The following INPP4A variants were observed in gnomAD, a reference collection of about 807,000 sequenced individuals.
The protein encoded by INPP4A is inositol polyphosphate-4-phosphatase, type I, 107kD.
INPP4A carries 33 observed loss-of-function variants against 119.8 expected under a neutral mutation model. That is an observed-to-expected ratio of 0.28 (90% confidence interval 0.21 to 0.37). INPP4A has a LOEUF of 0.37. Ranked by LOEUF, INPP4A falls within the 10% of genes least tolerant of loss-of-function variation. The probability of loss-of-function intolerance (pLI) is 1.00; values close to 1 mark genes in which losing one functional copy is unlikely to be tolerated. For missense variants in INPP4A, 956 were observed against 1,289.9 expected (o/e 0.74, Z 3.97); for synonymous variants, 496 against 500.7 (o/e 0.99, Z 0.12).
chr2:98,538,821 G>A (rs1209189705), intron 8 of INPP4A, 70 bp from the exon 9 acceptor site: 10 of 875,436 alleles, frequency 1.1e-5, no homozygotes, highest in East Asian at 2.5e-5. Flanking sequence ...TTAGGCCACT[G>A]TTTCTGCTGA....
chr2:98,519,442 C>G (rs1335238915), intron 2 of INPP4A: 1 of 152,448 alleles, frequency 6.6e-6, no homozygotes, highest in Non-Finnish European at 1.5e-5. Flanking sequence ...CCCAGACACA[C>G]GTGAAGTTTA....
chr2:98,480,538 C>T (rs1476799279), intron 1 of INPP4A, among the ~76,000 whole-genome samples: 1 of 152,168 alleles, frequency 6.6e-6, no homozygotes, highest in Non-Finnish European at 1.5e-5. Flanking sequence ...CTGTGGTTCC[C>T]CTGCACTGAC....
chr2:98,530,019 T>G (rs1307266024), intron 4 of INPP4A, among the ~76,000 whole-genome samples: 1 of 151,708 alleles, frequency 6.6e-6, no homozygotes, highest in Non-Finnish European at 1.5e-5. Flanking sequence ...GAAAGAGGAG[T>G]AGCAGCAAGC....
At chr2:98,552,139 A>G (rs1382434931) in intron 13 of INPP4A, among the ~76,000 whole-genome samples, 1 of 152,134 alleles carries the variant, frequency 6.6e-6, no homozygotes, top group Non-Finnish European at 1.5e-5. Context: ...GTGGCTTGGC[A>G]TGTTCTCCAC....
intron 1 of INPP4A, among the ~76,000 whole-genome samples, chr2:98,466,335 C>T (rs1269779841): frequency 6.6e-6 from 1 of 152,260 alleles, no homozygotes; most frequent in African/African-American, 2.4e-5. Flanking sequence ...CGTGAGCCAC[C>T]GTGCCCGGCC....
rs376614970 is a variant in INPP4A at position 98,583,018 on chromosome 2, CAG to C, written c.2787-4456_2787-4455del. ...GATCACCTACTGCATACGCCAGACA[CAG>C]AAAGATCACCTACTGCATATGCCAG... On this transcript the variant is annotated intron_variant, in intron 24 of 24. Coordinates refer to ENST00000409851, the MANE Select transcript of INPP4A (RefSeq NM_001134225.2). 4.2e-3 allele frequency among the ~76,000 whole-genome samples: 640 copies of C among 152,026 alleles called. 9 individuals are homozygous for C. Among genetic ancestry groups the C allele is most frequent in the African/African-American group, 0.015 (620 of 41,456 alleles).
chr2:98,477,260 A>G (rs1400810506), intron 1 of INPP4A, among the ~76,000 whole-genome samples: 1 of 152,232 alleles, frequency 6.6e-6, no homozygotes, highest in Non-Finnish European at 1.5e-5. Flanking sequence ...GGCCATGCAC[A>G]GCATGCTGTG....
intron 1 of INPP4A, among the ~76,000 whole-genome samples, chr2:98,518,457 G>GC (rs1686561211): frequency 6.6e-6 from 1 of 152,376 alleles, no homozygotes; most frequent in Admixed American, 6.5e-5. Context: ...CTGCCAAACA[G>GC]CCCCTGTGGT....
At chr2:98,499,729 CAG>C (rs753042854) in intron 1 of INPP4A, among the ~76,000 whole-genome samples, 1 of 152,208 alleles carries the variant, frequency 6.6e-6, no homozygotes, top group African/African-American at 2.4e-5. Context: ...GTGGAAAGTA[CAG>C]AGAGTTCCTA....
At position 98,570,935 on chromosome 2, in the gene INPP4A, G is replaced by A. The variant is rs116172224; in HGVS notation, c.2519-1880G>A. On this transcript the variant is annotated intron_variant, in intron 22 of 24. Coordinates refer to ENST00000409851, the MANE Select transcript of INPP4A (RefSeq NM_001134225.2). The surrounding 1 kb of genome is among the most constrained non-coding windows in gnomAD (Gnocchi z 4.3). Reference sequence around the variant, plus strand: ...AGCCTGGAAAAATACAGATGCCTGGGCCCCACCCCAGAGTGTGGTGGGCAG... The same window carrying A: ...AGCCTGGAAAAATACAGATGCCTGGACCCCACCCCAGAGTGTGGTGGGCAG... Among the ~76,000 whole-genome samples the A allele has an allele frequency of 3.8e-3, 572 of 152,178 alleles. 3 individuals carry two copies. Among genetic ancestry groups the A allele is most frequent in the African/African-American group, 0.013 (536 of 41,522 alleles).
chr2:98,495,861 T>G (rs992924240), intron 1 of INPP4A, among the ~76,000 whole-genome samples: 3 of 152,148 alleles, frequency 2.0e-5, no homozygotes, highest in African/African-American at 7.2e-5. Context: ...GAAAAAGACC[T>G]GGAAAGGGAA....
intron 16 of INPP4A, among the ~76,000 whole-genome samples, chr2:98,559,091 G>A (rs923899958): frequency 7.2e-5 from 11 of 152,226 alleles, no homozygotes; most frequent in East Asian, 1.9e-4. Flanking sequence ...TCCAGATGCC[G>A]CAAGCCAACG....
chr2:98,562,914 G>A (rs1027781916), intron 17 of INPP4A, among the ~76,000 whole-genome samples: 25 of 152,256 alleles, frequency 1.6e-4, no homozygotes, highest in Admixed American at 1.6e-3. Context: ...GAAAACTTGG[G>A]AGCTGTGGGG....
At chr2:98,446,844 T>G (rs1455412509) in intron 1 of INPP4A, among the ~76,000 whole-genome samples, 2 of 152,150 alleles carry the variant, frequency 1.3e-5, no homozygotes, top group South Asian at 2.1e-4. Context: ...AAACTGAATA[T>G]TAGCGTTTTT....
chr2:98,502,932 C>G (rs1683395797), intron 1 of INPP4A, among the ~76,000 whole-genome samples: 1 of 152,160 alleles, frequency 6.6e-6, no homozygotes, highest in Admixed American at 6.5e-5. Flanking sequence ...TTTATATTTG[C>G]AGAATCAGTG....
chr2:98,550,011 G>T (rs987488423), intron 13 of INPP4A, among the ~76,000 whole-genome samples: 1 of 152,106 alleles, frequency 6.6e-6, no homozygotes, highest in African/African-American at 2.4e-5. Flanking sequence ...GTCTAGCGGG[G>T]CAGAGGAAGA....
chr2:98,490,731 G>A (rs907981636), intron 1 of INPP4A, among the ~76,000 whole-genome samples: 5 of 152,152 alleles, frequency 3.3e-5, no homozygotes, highest in African/African-American at 7.2e-5. Flanking sequence ...CTGGGCCTCC[G>A]AGTAGATGAG....
chr2:98,449,606 T>C (rs1436674148), intron 1 of INPP4A, among the ~76,000 whole-genome samples: 1 of 152,216 alleles, frequency 6.6e-6, no homozygotes, highest in East Asian at 1.9e-4. Flanking sequence ...CAAAGAGTCC[T>C]GGTTTCCTTT....
chr2:98,468,577 A>G (rs1229556987), intron 1 of INPP4A, among the ~76,000 whole-genome samples: 1 of 151,932 alleles, frequency 6.6e-6, no homozygotes, highest in Non-Finnish European at 1.5e-5. Flanking sequence ...AGGGGAGGGT[A>G]ATAAAGGAAG....
Sources: allele counts gnomAD v4.1 joint callset (sites outside exome capture counted in the v4.1 genomes callset), GRCh38; gene constraint gnomAD v4.1.1; non-coding constraint Gnocchi (gnomAD v3.1); transcripts MANE v1.5; gene names NCBI Gene and HGNC (gene_info 2026-07-23, HGNC 2026-07-21).